SLIT2: variants seen among roughly 807,000 people sequenced by gnomAD.
The protein encoded by SLIT2 is slit guidance ligand 2.
A neutral mutation model predicts 185.7 loss-of-function variants in SLIT2; 41 were observed. The ratio of observed to expected loss-of-function variants is 0.22; its 90% CI spans 0.17 to 0.29. SLIT2 has a LOEUF of 0.29. SLIT2 is among the 10% of genes least tolerant of loss of function. SLIT2 has a pLI of 1.00. For missense variants in SLIT2, 1,571 were observed against 1,909.0 expected, an observed-to-expected ratio of 0.82 and a Z score of 3.30; for synonymous variants, 693 against 680.2, an observed-to-expected ratio of 1.02 and a Z score of -0.29.
At chr4:20,530,321 G>A (rs972549698) in intron 16 of SLIT2, among the ~76,000 whole-genome samples, 25 of 151,646 alleles carry the variant, frequency 1.6e-4, no homozygotes, top group Non-Finnish European at 3.4e-4. Flanking sequence ...CCAGGCAGGA[G>A]TGCAGTGGCA....
chr4:20,413,816 A>G (rs1265734208), intron 4 of SLIT2, among the ~76,000 whole-genome samples: 2 of 151,938 alleles, frequency 1.3e-5, no homozygotes, highest in African/African-American at 4.8e-5. Flanking sequence ...TGAAGTTAGT[A>G]TCTTTATATG....
At chr4:20,452,573 TCTCA>T (rs1197980066) in intron 4 of SLIT2, among the ~76,000 whole-genome samples, 1 of 152,166 alleles carries the variant, frequency 6.6e-6, no homozygotes, top group Non-Finnish European at 1.5e-5. Flanking sequence ...TCCGTTCCTC[TCTCA>T]CTTAGTCCCC....
chr4:20,403,897 TA>T (rs11462563), intron 4 of SLIT2, among the ~76,000 whole-genome samples: 1 of 146,170 alleles, frequency 6.8e-6, no homozygotes, highest in African/African-American at 2.5e-5. Flanking sequence ...TAACTGGACT[TA>T]AAAAAAAAAC....
At chr4:20,442,187 G>T (rs1328425942) in intron 4 of SLIT2, among the ~76,000 whole-genome samples, 1 of 152,076 alleles carries the variant, frequency 6.6e-6, no homozygotes, top group East Asian at 1.9e-4. Flanking sequence ...TGTGTACAAG[G>T]CTCCTTGCCA....
At chr4:20,317,490 A>G (rs948478858) in intron 4 of SLIT2, among the ~76,000 whole-genome samples, 2 of 152,066 alleles carry the variant, frequency 1.3e-5, no homozygotes, top group East Asian at 3.9e-4. Flanking sequence ...TGAGAATCAG[A>G]GGTGCATTAG....
At chr4:20,256,886 A>C in intron 2 of SLIT2, 143 bp downstream of exon 2, 1 of 512,116 alleles carries the variant, frequency 2.0e-6, no homozygotes, top group Non-Finnish European at 3.5e-6. Context: ...TGTGTTTATC[A>C]TTGTACTACA....
chr4:20,532,560 C>T (rs1284002970), intron 17 of SLIT2, among the ~76,000 whole-genome samples: 1 of 152,166 alleles, frequency 6.6e-6, no homozygotes, highest in Non-Finnish European at 1.5e-5. Flanking sequence ...GTTTCAGCAA[C>T]ACTCAGTGGG....
chr4:20,285,435 A>T lies in SLIT2; in HGVS notation c.395+16554A>T, dbSNP rs138064867. On this transcript the variant is annotated intron_variant, in intron 4 of 36. Coordinates refer to ENST00000504154, the MANE Select transcript of SLIT2 (RefSeq NM_004787.4). ...TCTCATTGTTATTTTTCTTGCCCCA[A>T]ATCAGAACACCTCCTTTATCAGAAA... Among the ~76,000 whole-genome samples, 8 of 152,292 alleles carry T rather than the reference A, an allele frequency of 5.3e-5. No individual in the cohort carries two copies. In the East Asian group the frequency reaches 1.2e-3, roughly 22 times the overall value.
At chr4:20,409,662 G>C (rs1220763366) in intron 4 of SLIT2, among the ~76,000 whole-genome samples, 1 of 152,146 alleles carries the variant, frequency 6.6e-6, no homozygotes, top group Non-Finnish European at 1.5e-5. Flanking sequence ...GTTCCACAAT[G>C]GTTGAACTAA....
At chr4:20,614,757 G>C (rs1193216807) in intron 34 of SLIT2, 2 of 142,176 alleles carry the variant, frequency 1.4e-5, no homozygotes, top group Non-Finnish European at 3.0e-5. Context: ...CAGCCTGGGC[G>C]ACAAGAGTGA....
chr4:20,480,738 A>G lies in SLIT2; in HGVS notation c.490A>G (p.Ser164Gly). 3 of 1,613,338 alleles carry G rather than the reference A, an allele frequency of 1.9e-6. No individual in the cohort carries two copies. Among genetic ancestry groups the G allele is most frequent in the Non-Finnish European group, 2.5e-6 (3 of 1,179,322 alleles). The change falls in exon 6 of 37, where the codon AGC becomes GGC. Residue 164 changes from serine (S) to glycine (G), a missense_variant. This residue lies in a region of SLIT2 where 1,202 missense variants were observed against 1,416.4 expected (regional missense o/e 0.85). Coordinates refer to ENST00000504154, the MANE Select transcript of SLIT2 (RefSeq NM_004787.4). ...KNLQLDYNQI[S>G]CIEDGAFRAL... ...CAGGCAACTGGATTACAACCAGATC[A>G]GCTGTATTGAAGATGGGGCATTCAG...
chr4:20,523,901 T>C lies in SLIT2; in HGVS notation c.1272T>C (p.Thr424=), dbSNP rs753841269. The change falls in exon 13 of 37, where the codon ACT becomes ACC. Residue 424 remains threonine (T), a splice_region_variant and synonymous_variant. Transcript: ENST00000504154. ...TTTCACCTCTTCGGGCCATTCAAACTATGTATGTATAAGTGATTTGGATCA... is the reference window on the plus strand; with the variant it reads ...TTTCACCTCTTCGGGCCATTCAAACCATGTATGTATAAGTGATTTGGATCA... ...GTFSPLRAIQ[T]MHLAQNPFIC... is the part of the protein sequence containing the mutation. The C allele has an allele frequency of 5.0e-6, 8 of 1,614,068 alleles. No individual in the cohort carries two copies. The Admixed American group carries it at 1.2e-4, about 24-fold the overall frequency.
intron 4 of SLIT2, among the ~76,000 whole-genome samples, chr4:20,338,707 C>G (rs1720712282): frequency 6.6e-6 from 1 of 152,094 alleles, no homozygotes; most frequent in Non-Finnish European, 1.5e-5. Flanking sequence ...TGCTGGGAGA[C>G]AGCAGGGAGG....
At chr4:20,582,717 C>T (rs999353767) in intron 29 of SLIT2, among the ~76,000 whole-genome samples, 1 of 152,160 alleles carries the variant, frequency 6.6e-6, no homozygotes, top group Non-Finnish European at 1.5e-5. Flanking sequence ...TCTCTCTTTC[C>T]TTATTAAGTT....
At chr4:20,398,381 G>A (rs1406974664) in intron 4 of SLIT2, among the ~76,000 whole-genome samples, 1 of 151,806 alleles carries the variant, frequency 6.6e-6, no homozygotes, top group Non-Finnish European at 1.5e-5. Flanking sequence ...ACTGAAGCTG[G>A]TTCGAGAGTC....
At position 20,553,591 on chromosome 4, in the gene SLIT2, C is replaced by A. The variant is rs1723968446; in HGVS notation, c.2562-214C>A. On this transcript the variant is annotated intron_variant, in intron 25 of 36. Transcript: ENST00000504154. The stretch of plus-strand genomic sequence containing the variant: ...ACACCAGTGACAACTCACTAAATCC[C>A]AGTGCACATCATTCAGGAAAATGGG... Among the ~76,000 whole-genome samples the A allele has an allele frequency of 5.9e-5, 9 of 152,286 alleles. 1 individual carries two copies. In the South Asian group the frequency reaches 1.9e-3, roughly 32 times the overall value.
intron 4 of SLIT2, among the ~76,000 whole-genome samples, chr4:20,390,718 T>C (rs73108620): frequency 0.015 from 2,332 of 151,906 alleles, 43 homozygotes; most frequent in African/African-American, 0.037. Context: ...AACACATTAT[T>C]TTTCAAAGTC....
chr4:20,487,010 G>A (rs1008325016), intron 7 of SLIT2, among the ~76,000 whole-genome samples: 1 of 151,826 alleles, frequency 6.6e-6, no homozygotes, highest in Non-Finnish European at 1.5e-5. Context: ...AAAAAAAAGT[G>A]TTTTTAAGTT....
chr4:20,541,696 G>A, intron 20 of SLIT2, 77 bp downstream of exon 20: 1 of 1,247,220 alleles, frequency 8.0e-7, no homozygotes, highest in Non-Finnish European at 1.2e-6. Flanking sequence ...CAAATCTACA[G>A]CATAGTTCAG....
Sources: gnomAD v4.1 joint callset for allele counts (sites outside exome capture counted in the v4.1 genomes callset) on GRCh38, gnomAD v4.1.1 for gene constraint, gnomAD v4.1.1 regional missense constraint, MANE v1.5 for transcripts, NCBI Gene and HGNC (gene_info 2026-07-23, HGNC 2026-07-21) for gene names.